The following ZMAT3 variants were observed in gnomAD, a reference collection of about 807,000 sequenced individuals.
The protein encoded by ZMAT3 is zinc finger matrin-type 3.
ZMAT3 carries 17 observed loss-of-function variants against 32.3 expected under a neutral mutation model. The ratio of observed to expected loss-of-function variants is 0.53; its 90% CI spans 0.36 to 0.79. The LOEUF is 0.79. Ranked by LOEUF, ZMAT3 falls within the 30% of genes least tolerant of loss-of-function variation. The probability of loss-of-function intolerance (pLI) is 0.00; values close to 1 mark genes in which losing one functional copy is unlikely to be tolerated. For missense variants in ZMAT3, 329 were observed against 359.7 expected (o/e 0.91, Z 0.69); for synonymous variants, 120 against 133.1 (o/e 0.90, Z 0.68).
At chr3:179,039,398 T>C in intron 2 of ZMAT3, among the ~76,000 whole-genome samples, 1 of 152,012 alleles carries the variant, frequency 6.6e-6, no homozygotes, top group South Asian at 2.1e-4. Context: ...TGTTCTGCAA[T>C]ATTTGCTGTT....
intron 2 of ZMAT3, among the ~76,000 whole-genome samples, chr3:179,037,629 G>A (rs1719673753): frequency 6.6e-6 from 1 of 152,116 alleles, no homozygotes; most frequent in South Asian, 2.1e-4. Context: ...TCCTTACACT[G>A]CAACCCTCCC....
rs990988154 is a variant in ZMAT3 at position 179,053,574 on chromosome 3, G to A, written c.270+13909C>T. Among the ~76,000 whole-genome samples the A allele has an allele frequency of 1.5e-4, 23 of 152,280 alleles. 1 individual carries two copies. Among genetic ancestry groups the A allele is most frequent in the African/African-American group, 5.3e-4 (22 of 41,574 alleles). On this transcript the variant is annotated intron_variant, in intron 2 of 5. Transcript: ENST00000311417. ...TTTGTTGAACACAAAAAGAAAAAGAGTAACTTTGCAAAGGAGAACCATGGC... is the reference window on the plus strand; with the variant it reads ...TTTGTTGAACACAAAAAGAAAAAGAATAACTTTGCAAAGGAGAACCATGGC...
chr3:179,027,263 C>T (rs1407499033), intron 5 of ZMAT3, among the ~76,000 whole-genome samples, 160 bp downstream of exon 5: 1 of 151,974 alleles, frequency 6.6e-6, no homozygotes, highest in Non-Finnish European at 1.5e-5. Context: ...ATAAATGAGA[C>T]CTGAAATACA....
chr3:179,055,651 T>C (rs982662119), intron 2 of ZMAT3, among the ~76,000 whole-genome samples: 25 of 152,190 alleles, frequency 1.6e-4, no homozygotes, highest in Admixed American at 1.2e-3. Flanking sequence ...TGTACCTTTT[T>C]CTCTCTCAGA....
intron 2 of ZMAT3, among the ~76,000 whole-genome samples, chr3:179,066,482 CTT>C (rs776328847): frequency 5.9e-5 from 9 of 152,202 alleles, no homozygotes; most frequent in Non-Finnish European, 8.8e-5. Flanking sequence ...ACAGAAAAGA[CTT>C]AACACCCACA....
rs1720257699 is a variant in ZMAT3, at chr3:179,046,694, G to A, written c.271-15695C>T. Among the ~76,000 whole-genome samples the A allele has an allele frequency of 6.6e-6, 1 of 152,172 alleles. No individual in the cohort carries two copies. The highest frequency in any genetic ancestry group is 2.4e-5 in the African/African-American group (1 of 41,434). ...GGGAGGAAGACCAGCCTTTAGGGCT[G>A]GGGGATGCATGGGAGCTGGGTGAGG... On this transcript the variant is annotated intron_variant, in intron 2 of 5. Coordinates refer to ENST00000311417, the MANE Select transcript of ZMAT3 (RefSeq NM_022470.4). This position sits in a 1 kb window ranked among gnomAD's most constrained non-coding sequence, Gnocchi z 4.3.
At chr3:179,056,117 A>G (rs1720827814) in intron 2 of ZMAT3, among the ~76,000 whole-genome samples, 1 of 152,214 alleles carries the variant, frequency 6.6e-6, no homozygotes, top group Non-Finnish European at 1.5e-5. Flanking sequence ...GCATTGAGGA[A>G]GCATACCTCC....
At chr3:179,032,017 C>T (rs1221171575) in intron 2 of ZMAT3, among the ~76,000 whole-genome samples, 1 of 29,908 alleles carries the variant, frequency 3.3e-5, no homozygotes, top group Non-Finnish European at 6.1e-5. Context: ...CCCTCCTCCT[C>T]CCCCTCCCCC....
Position 179,053,897 on chromosome 3 carries a change from T to C in ZMAT3, c.270+13586A>G, listed in dbSNP as rs966648300. On this transcript the variant is annotated intron_variant, in intron 2 of 5. Coordinates refer to ENST00000311417, the MANE Select transcript of ZMAT3 (RefSeq NM_022470.4). ...AAAATTTCATCCTGGATTAAATAAC[T>C]AGAACCAGGGAAAGGCCATTAGTAC... Among the ~76,000 whole-genome samples, 8 of 152,312 alleles carry C rather than the reference T, an allele frequency of 5.3e-5. No homozygotes were observed. In the East Asian group the frequency reaches 7.7e-4, roughly 15 times the overall value.
At chr3:179,067,216 T>C (rs746879329) in intron 2 of ZMAT3, among the ~76,000 whole-genome samples, 13 of 152,244 alleles carry the variant, frequency 8.5e-5, no homozygotes, top group Non-Finnish European at 1.3e-4. Context: ...GATGCCAGCA[T>C]AGATCATTTA....
Position 179,067,599 on chromosome 3 carries a change from C to G in ZMAT3, c.154G>C (p.Glu52Gln), listed in dbSNP as rs772256260. ...TCTTGCTCCCCTCCCTTCGATAACT[C>G]TTCTTCCCCTGCAAGAGGCAAGGAA... The part of the protein sequence containing the change: ...EASLPLAGEE[E>Q]LSKGGEQDCA... The change falls in exon 2 of 6, where the codon GAG (glutamate) becomes CAG (glutamine). Residue 52 changes from glutamate to glutamine, a missense_variant. Coordinates refer to ENST00000311417, the MANE Select transcript of ZMAT3 (RefSeq NM_022470.4). 1 of 1,614,202 alleles carries G rather than the reference C, an allele frequency of 6.2e-7. No individual in the cohort carries two copies.
chr3:179,038,283 A>C (rs1050517841), intron 2 of ZMAT3, among the ~76,000 whole-genome samples: 1 of 152,198 alleles, frequency 6.6e-6, no homozygotes, highest in African/African-American at 2.4e-5. Flanking sequence ...GGTGGAATTT[A>C]AAACCATGGA....
chr3:179,055,585 C>T (rs575105199), intron 2 of ZMAT3, among the ~76,000 whole-genome samples: 4 of 151,938 alleles, frequency 2.6e-5, no homozygotes, highest in South Asian at 4.2e-4. Flanking sequence ...CAATATTCCC[C>T]GATTATGCCC....
chr3:179,032,287 G>A (rs1719294356), intron 2 of ZMAT3, among the ~76,000 whole-genome samples: 1 of 151,892 alleles, frequency 6.6e-6, no homozygotes, highest in Admixed American at 6.6e-5. Context: ...TGCAGACAGA[G>A]TCTCGCTCAC....
At chr3:179,048,000 T>C (rs983756500) in intron 2 of ZMAT3, among the ~76,000 whole-genome samples, 4 of 152,216 alleles carry the variant, frequency 2.6e-5, no homozygotes, top group South Asian at 4.1e-4. Flanking sequence ...AAGGACACGC[T>C]CAGAGAAATG....
At chr3:179,032,827 G>C (rs1719348516) in intron 2 of ZMAT3, among the ~76,000 whole-genome samples, 1 of 151,928 alleles carries the variant, frequency 6.6e-6, no homozygotes, top group African/African-American at 2.4e-5. Flanking sequence ...TCTGGGAAGT[G>C]AGGAGCGTCT....
chr3:179,024,792 A>G lies in ZMAT3; in HGVS notation c.*225T>C. The G allele has an allele frequency of 1.9e-6, 1 of 528,788 alleles. No homozygotes were observed. The highest frequency in any genetic ancestry group is 3.4e-6 in the Non-Finnish European group (1 of 292,110). 32.8% of individuals were successfully genotyped at this position (528,788 alleles called of 1,614,324 possible). Reference sequence around the variant, plus strand: ...TGCTATGAGCGGCTCAACACCATTGACCCTGCAAAAGCGTTATGACCTAAG... The same window carrying G: ...TGCTATGAGCGGCTCAACACCATTGGCCCTGCAAAAGCGTTATGACCTAAG... On this transcript the variant is annotated 3_prime_UTR_variant, in exon 6 of 6. Transcript: ENST00000311417.
At chr3:179,071,484 G>T (rs1259657553) in intron 1 of ZMAT3, 111 bp downstream of exon 1, 2 of 152,272 alleles carry the variant, frequency 1.3e-5, no homozygotes, top group African/African-American at 4.8e-5. Context: ...AGCAGCGCAA[G>T]CCCTGTCACG....
At chr3:179,037,481 C>T (rs114987582) in intron 2 of ZMAT3, among the ~76,000 whole-genome samples, 16 of 152,256 alleles carry the variant, frequency 1.1e-4, no homozygotes, top group African/African-American at 2.6e-4. Flanking sequence ...CCTCAGCGGG[C>T]GCAGGATCCA....
Sources: allele counts gnomAD v4.1 joint callset (sites outside exome capture counted in the v4.1 genomes callset), GRCh38; gene constraint gnomAD v4.1.1; non-coding constraint Gnocchi (gnomAD v3.1); transcripts MANE v1.5; gene names NCBI Gene and HGNC (gene_info 2026-07-23, HGNC 2026-07-21).